Variants in ACSM2B observed in about 807,000 individuals in gnomAD.
ACSM2B encodes the protein acyl-coenzyme A synthetase ACSM2B, mitochondrial.
ACSM2B carries 58 observed loss-of-function variants against 78.6 expected under a neutral mutation model. That is an observed-to-expected ratio of 0.74 (90% CI 0.60 to 0.92). The LOEUF is 0.92. Among genes scored for constraint, ACSM2B ranks in the 40% least tolerant of loss-of-function variants. ACSM2B has a pLI of 0.00. For missense variants in ACSM2B, 688 were observed against 711.2 expected, an observed-to-expected ratio of 0.97 and a Z score of 0.37; for synonymous variants, 257 against 256.8, an observed-to-expected ratio of 1.00 and a Z score of -0.01.
intron 4 of ACSM2B, chr16:20,554,249 C>A (rs2015403333): frequency 8.4e-6 from 4 of 476,846 alleles, no homozygotes; most frequent in Non-Finnish European, 1.6e-5. Flanking sequence ...AAATGAGCAA[C>A]TTGCTTAGCA....
intron 4 of ACSM2B, among the ~76,000 whole-genome samples, chr16:20,554,983 G>C (rs1208155657): frequency 6.6e-6 from 1 of 152,174 alleles, no homozygotes; most frequent in Non-Finnish European, 1.5e-5. Flanking sequence ...CCCTGAACCT[G>C]TGAGGACCAG....
At chr16:20,545,333 G>T in intron 9 of ACSM2B, 75 bp from the exon 10 acceptor site, 1 of 1,528,404 alleles carries the variant, frequency 6.5e-7, no homozygotes, top group Non-Finnish European at 8.9e-7. Context: ...AGATTGCTGA[G>T]TTGGTCAAAT....
At chr16:20,563,701 C>T (rs1342980221) in intron 2 of ACSM2B, among the ~76,000 whole-genome samples, 1 of 151,678 alleles carries the variant, frequency 6.6e-6, no homozygotes, top group African/African-American at 2.4e-5. Flanking sequence ...AGCCTAGAGG[C>T]AAGGCATTTG....
intron 1 of ACSM2B, chr16:20,574,584 T>G (rs1206417723): frequency 6.6e-6 from 1 of 151,406 alleles, no homozygotes; most frequent in Non-Finnish European, 1.5e-5. Flanking sequence ...CATGAAATCT[T>G]CACAATTTAT....
chr16:20,563,850 C>T (rs921301047), intron 2 of ACSM2B, among the ~76,000 whole-genome samples: 1 of 151,946 alleles, frequency 6.6e-6, no homozygotes, highest in Admixed American at 6.6e-5. Flanking sequence ...AGAATGAATC[C>T]TTCCATCCTA....
intron 6 of ACSM2B, chr16:20,549,694 C>A: frequency 2.4e-6 from 1 of 422,268 alleles, no homozygotes; most frequent in Non-Finnish European, 4.7e-6. Context: ...AGAACACGTG[C>A]CCAAGGTGGT....
At chr16:20,568,756 C>T (rs531223751) in intron 1 of ACSM2B, among the ~76,000 whole-genome samples, 1 of 151,754 alleles carries the variant, frequency 6.6e-6, no homozygotes, top group Admixed American at 6.6e-5. Context: ...TTATAATGAC[C>T]ATTCTTGCAA....
At chr16:20,543,469 G>C (rs2015055865) in intron 10 of ACSM2B, among the ~76,000 whole-genome samples, 4 of 152,144 alleles carry the variant, frequency 2.6e-5, no homozygotes, top group Admixed American at 6.5e-5. Context: ...TTCCACCCAG[G>C]GTGTCTCAGC....
intron 3 of ACSM2B, among the ~76,000 whole-genome samples, chr16:20,557,010 A>G (rs2015495465): frequency 6.6e-6 from 1 of 152,014 alleles, no homozygotes; most frequent in Non-Finnish European, 1.5e-5. Context: ...TTGTCCCCAG[A>G]ATATGCGGCG....
intron 2 of ACSM2B, among the ~76,000 whole-genome samples, chr16:20,564,454 A>G (rs540968396): frequency 1.4e-4 from 21 of 152,274 alleles, no homozygotes; most frequent in African/African-American, 4.8e-4. Flanking sequence ...CCTGGGAGTT[A>G]CCAGGTTGCC....
intron 13 of ACSM2B, among the ~76,000 whole-genome samples, chr16:20,540,251 T>G (rs1380010349): frequency 3.3e-5 from 2 of 60,856 alleles, no homozygotes; most frequent in Non-Finnish European, 1.2e-4. Flanking sequence ...GTTTGTTTGG[T>G]TTTTTTTTTG....
rs368804830 is a variant in ACSM2B at position 20,543,882 on chromosome 16, A to G, written c.1282-620T>C. On this transcript the variant is annotated intron_variant, in intron 10 of 13. Coordinates refer to ENST00000329697, the MANE Select transcript of ACSM2B (RefSeq NM_001105069.2). ...CTGGATTATATATGGTGGCATAAAG[A>G]ATTCTTAGCCTCACTCCATCATTGG... Among the ~76,000 whole-genome samples, 1,145 of 152,260 alleles carry G rather than the reference A, an allele frequency of 7.5e-3. 22 individuals carry two copies. Among genetic ancestry groups the G allele is most frequent in the South Asian group, 0.034 (165 of 4,808 alleles).
Position 20,536,669 on chromosome 16 carries a change from T to C in ACSM2B, c.*589A>G, listed in dbSNP as rs1370371899. 6.6e-6 allele frequency: 1 copy of C among 152,060 alleles called. No individual in the cohort carries two copies. Among genetic ancestry groups the C allele is most frequent in the Non-Finnish European group, 1.5e-5 (1 of 68,024 alleles). 9.4% of individuals were successfully genotyped at this position (152,060 alleles called of 1,614,324 possible). On this transcript the variant is annotated 3_prime_UTR_variant, in exon 14 of 14. Transcript: ENST00000329697. ...GTCTATCTGTGGGAATATTTATAGG[T>C]TTTCCTCTTTACTTCCCTCTCTTCC...
intron 1 of ACSM2B, among the ~76,000 whole-genome samples, chr16:20,570,895 T>C (rs1222980873): frequency 6.6e-6 from 1 of 151,988 alleles, no homozygotes; most frequent in East Asian, 1.9e-4. Flanking sequence ...ATCTTTTGTA[T>C]TTCTGTGGTA....
rs2015449129 is a variant in ACSM2B, at chr16:20,555,570, A to C, written c.389-94T>G. The C allele has an allele frequency of 1.1e-5, 17 of 1,571,960 alleles. No individual in the cohort carries two copies. The Middle Eastern group carries it at 5.2e-4, about 48-fold the overall frequency. On this transcript the variant is annotated intron_variant, in intron 3 of 13. Coordinates refer to ENST00000329697, the MANE Select transcript of ACSM2B (RefSeq NM_001105069.2). The stretch of plus-strand genomic sequence containing the variant: ...AACATCAAGCAGGGAGCAAGTGGGG[A>C]AGGAGAGGATGGGGAAGTAATGACC...
At chr16:20,554,700 G>C (rs571829974) in intron 4 of ACSM2B, among the ~76,000 whole-genome samples, 1 of 152,194 alleles carries the variant, frequency 6.6e-6, no homozygotes, top group East Asian at 1.9e-4. Flanking sequence ...GAGGTGGGAA[G>C]AAGAGCCTAG....
At chr16:20,559,556 C>T in intron 2 of ACSM2B, 109 bp from the exon 3 acceptor site, 3 of 1,401,550 alleles carry the variant, frequency 2.1e-6, no homozygotes, top group Admixed American at 2.5e-5. Flanking sequence ...TTTTTTATCT[C>T]AGCACCTCCA....
chr16:20,555,798 C>T (rs9931738), intron 3 of ACSM2B, among the ~76,000 whole-genome samples: 3,631 of 152,126 alleles, frequency 0.024, 149 homozygotes, highest in African/African-American at 0.084. Flanking sequence ...TACAGGAGTT[C>T]GCTGTATTCA....
intron 13 of ACSM2B, among the ~76,000 whole-genome samples, chr16:20,538,588 G>A (rs9938779): frequency 0.071 from 10,791 of 152,154 alleles, 570 homozygotes; most frequent in East Asian, 0.19. Flanking sequence ...AGGAGGGGGA[G>A]GGTGCAAATA....
Sources: gnomAD v4.1 joint callset for allele counts (sites outside exome capture counted in the v4.1 genomes callset) on GRCh38, gnomAD v4.1.1 for gene constraint, MANE v1.5 for transcripts, NCBI Gene and HGNC (gene_info 2026-07-23, HGNC 2026-07-21) for gene names.